KLF12: variants seen among roughly 807,000 people sequenced by gnomAD.
KLF12 encodes the protein KLF transcription factor 12, also known as Krueppel-like factor 12.
KLF12 carries 9 observed loss-of-function variants against 37.8 expected under a neutral mutation model. That is an observed-to-expected ratio of 0.24 (90% CI 0.14 to 0.42). KLF12 has a LOEUF of 0.42. Among genes scored for constraint, KLF12 ranks in the 10% least tolerant of loss-of-function variants. The pLI, the probability that KLF12 is intolerant of heterozygous loss-of-function variation, is 1.00. For synonymous variants in KLF12, 208 were observed against 202.1 expected, an observed-to-expected ratio of 1.03 and a Z score of -0.25; for missense variants, 411 against 516.0, an observed-to-expected ratio of 0.80 and a Z score of 1.97.
chr13:73,761,306 T>C (rs1157309649), intron 6 of KLF12, among the ~76,000 whole-genome samples: 3 of 152,134 alleles, frequency 2.0e-5, no homozygotes, highest in African/African-American at 7.2e-5. Flanking sequence ...ACTTCAAAAT[T>C]TGCCACTTCA....
the KLF12 span, among the ~76,000 whole-genome samples, chr13:74,253,992 T>G: frequency 3.1e-3 from 479 of 152,334 alleles, 3 homozygotes; most frequent in African/African-American, 0.011. Context: ...GTTTATCAAT[T>G]TCTCTCTTTT....
At chr13:74,103,921 T>C (rs993015419) in intron 1 of KLF12, among the ~76,000 whole-genome samples, 13 of 152,130 alleles carry the variant, frequency 8.5e-5, no homozygotes, top group African/African-American at 2.7e-4. Context: ...TAGAAGTCTA[T>C]GGGGTTAAGT....
At chr13:74,284,183 T>C in the KLF12 span, among the ~76,000 whole-genome samples, 2 of 152,052 alleles carry the variant, frequency 1.3e-5, no homozygotes, top group Admixed American at 6.6e-5. Flanking sequence ...TATAAGTTCC[T>C]TGGAGTCCTT....
the KLF12 span, among the ~76,000 whole-genome samples, chr13:74,192,937 T>C: frequency 6.6e-6 from 1 of 152,038 alleles, no homozygotes; most frequent in Admixed American, 6.6e-5. Context: ...CAGGTATCCT[T>C]AGAATCAGAT....
intron 4 of KLF12, among the ~76,000 whole-genome samples, chr13:73,821,757 T>G (rs1883538461): frequency 6.6e-6 from 1 of 152,154 alleles, no homozygotes; most frequent in East Asian, 1.9e-4. Flanking sequence ...ATGATGAGTC[T>G]TATCCCCGAA....
chr13:74,026,066 G>A lies in KLF12; in HGVS notation c.-31-31013C>T, dbSNP rs150149384. Among the ~76,000 whole-genome samples the A allele has an allele frequency of 7.7e-3, 1,176 of 151,772 alleles. 18 individuals are homozygous for A. The highest frequency in any genetic ancestry group is 0.027 in the African/African-American group (1,114 of 41,362). ...AATTTATGCCAATTATGGATACAAT[G>A]TGAAATGTCAATTTCCTATTTTTAT... On this transcript the variant is annotated intron_variant, in intron 1 of 7. Transcript: ENST00000377669.
At chr13:74,049,667 A>G (rs1432646282) in intron 1 of KLF12, among the ~76,000 whole-genome samples, 1 of 152,248 alleles carries the variant, frequency 6.6e-6, no homozygotes, top group African/African-American at 2.4e-5. Flanking sequence ...GACTGAAAAC[A>G]GGAGCAAAAT....
chr13:74,287,339 C>G, the KLF12 span, among the ~76,000 whole-genome samples: 1 of 58,304 alleles, frequency 1.7e-5, no homozygotes, highest in African/African-American at 7.7e-5. Context: ...AAACAGGGAT[C>G]TATCAAAGTT....
At chr13:74,301,763 C>T in the KLF12 span, among the ~76,000 whole-genome samples, 1 of 152,116 alleles carries the variant, frequency 6.6e-6, no homozygotes, top group Non-Finnish European at 1.5e-5. Flanking sequence ...TGTGGAGACT[C>T]CTGCATCCCA....
chr13:74,242,105 T>C, the KLF12 span, among the ~76,000 whole-genome samples: 1 of 152,368 alleles, frequency 6.6e-6, no homozygotes, highest in African/African-American at 2.4e-5. Context: ...ATAAAATGTT[T>C]GTTAATGATG....
At chr13:73,984,556 G>A (rs1281757259) in intron 2 of KLF12, among the ~76,000 whole-genome samples, 1 of 152,038 alleles carries the variant, frequency 6.6e-6, no homozygotes, top group Non-Finnish European at 1.5e-5. Flanking sequence ...CCTCTCCTGC[G>A]CTCCACTCTC....
intron 6 of KLF12, among the ~76,000 whole-genome samples, chr13:73,732,024 T>C (rs1250085874): frequency 6.6e-6 from 1 of 152,166 alleles, no homozygotes; most frequent in Non-Finnish European, 1.5e-5. Flanking sequence ...AGGTAAATAT[T>C]TGGGAAATGA....
the KLF12 span, among the ~76,000 whole-genome samples, chr13:74,242,224 A>G: frequency 7.4e-4 from 112 of 152,324 alleles, no homozygotes; most frequent in Admixed American, 6.6e-3. Flanking sequence ...CATGTCCCTG[A>G]ATTTTCTTTG....
At chr13:74,193,241 A>T in the KLF12 span, among the ~76,000 whole-genome samples, 1 of 152,110 alleles carries the variant, frequency 6.6e-6, no homozygotes, top group Non-Finnish European at 1.5e-5. Context: ...GGGCCTCCCA[A>T]AGTGCTGGGA....
the KLF12 span, among the ~76,000 whole-genome samples, chr13:74,247,095 T>A: frequency 6.6e-6 from 1 of 152,206 alleles, no homozygotes; most frequent in Non-Finnish European, 1.5e-5. Context: ...TTCTTTTTTT[T>A]CGACCAGATT....
chr13:74,083,541 A>ACACACAC (rs1566204110), intron 1 of KLF12, among the ~76,000 whole-genome samples: 23 of 124,940 alleles, frequency 1.8e-4, no homozygotes, highest in African/African-American at 7.4e-4. Flanking sequence ...CACACACACA[A>ACACACAC]ACATTTAATA....
At chr13:73,935,951 A>G (rs923951183) in intron 3 of KLF12, among the ~76,000 whole-genome samples, 2 of 152,112 alleles carry the variant, frequency 1.3e-5, no homozygotes, top group East Asian at 1.9e-4. Flanking sequence ...TACATGGTGT[A>G]TGTTTCATCT....
intron 1 of KLF12, among the ~76,000 whole-genome samples, chr13:74,133,063 A>C (rs2139037817): frequency 6.6e-6 from 1 of 152,324 alleles, no homozygotes; most frequent in Admixed American, 6.5e-5. Context: ...CCCGTAATTG[A>C]AAATAACAGC....
intron 3 of KLF12, among the ~76,000 whole-genome samples, chr13:73,941,369 C>G (rs1249035485): frequency 6.6e-6 from 1 of 152,094 alleles, no homozygotes; most frequent in African/African-American, 2.4e-5. Flanking sequence ...CCAACCCGGG[C>G]AACATAGCAA....
Sources: allele counts gnomAD v4.1 joint callset (sites outside exome capture counted in the v4.1 genomes callset), GRCh38; gene constraint gnomAD v4.1.1; transcripts MANE v1.5; gene names NCBI Gene and HGNC (gene_info 2026-07-23, HGNC 2026-07-21).